The following STT3B variants were observed in gnomAD, a reference collection of about 807,000 sequenced individuals.
The protein encoded by STT3B is STT3 oligosaccharyltransferase complex catalytic subunit B, also known as dolichyl-diphosphooligosaccharide--protein glycosyltransferase subunit STT3B.
STT3B carries 29 observed loss-of-function variants against 96.8 expected under a neutral mutation model. The ratio of observed to expected loss-of-function variants is 0.30; its 90% CI spans 0.22 to 0.41. The LOEUF (loss-of-function observed/expected upper bound fraction) is 0.41, where lower values mean the gene tolerates loss of function less well. Ranked by LOEUF, STT3B falls within the 10% of genes least tolerant of loss-of-function variation. The probability of loss-of-function intolerance (pLI) is 1.00; values close to 1 mark genes in which losing one functional copy is unlikely to be tolerated. For missense variants in STT3B, 640 were observed against 1,022.3 expected, an observed-to-expected ratio of 0.63 and a Z score of 5.10; for synonymous variants, 367 against 360.0, an observed-to-expected ratio of 1.02 and a Z score of -0.22.
chr3:31,565,637 ACTT>A (rs1462234688), intron 1 of STT3B, among the ~76,000 whole-genome samples: 3 of 152,188 alleles, frequency 2.0e-5, no homozygotes, highest in Non-Finnish European at 4.4e-5. Context: ...GATAGGGACT[ACTT>A]GGCTTTGTTT....
At chr3:31,550,907 A>G (rs1368054149) in intron 1 of STT3B, among the ~76,000 whole-genome samples, 1 of 152,070 alleles carries the variant, frequency 6.6e-6, no homozygotes, top group Non-Finnish European at 1.5e-5. Flanking sequence ...TTGAAATGCC[A>G]ACTTTAGTTG....
chr3:31,628,442 T>C (rs1292654721), intron 13 of STT3B, among the ~76,000 whole-genome samples: 1 of 152,204 alleles, frequency 6.6e-6, no homozygotes, highest in Non-Finnish European at 1.5e-5. Flanking sequence ...ATTGATGGAA[T>C]TTAGATTGTT....
intron 1 of STT3B, among the ~76,000 whole-genome samples, chr3:31,556,740 A>G (rs1697721734): frequency 6.6e-6 from 1 of 152,010 alleles, no homozygotes; most frequent in South Asian, 2.1e-4. Flanking sequence ...TAATGTGATG[A>G]TGATGATGAT....
chr3:31,606,714 G>A (rs757850427), intron 5 of STT3B, among the ~76,000 whole-genome samples: 6 of 152,226 alleles, frequency 3.9e-5, no homozygotes, highest in Non-Finnish European at 7.3e-5. Flanking sequence ...GGAAATGTGG[G>A]CTTGAAGCCC....
At chr3:31,601,087 A>T (rs1408784444) in intron 5 of STT3B, among the ~76,000 whole-genome samples, 2 of 152,192 alleles carry the variant, frequency 1.3e-5, no homozygotes, top group Non-Finnish European at 2.9e-5. Flanking sequence ...TTGGAAAACA[A>T]TAACACAAAG....
rs183754313 is a variant in STT3B, at chr3:31,598,032, T to C, written c.777+1169T>C. On this transcript the variant is annotated intron_variant, in intron 4 of 15. Coordinates refer to ENST00000295770, the MANE Select transcript of STT3B (RefSeq NM_178862.3). ...TGTATTTTTAGTAGAGACAGGGTTT[T>C]ACCATGTTGATCAGACTGGTCTCAA... 2.6e-5 allele frequency among the ~76,000 whole-genome samples: 4 copies of C among 151,888 alleles called. No homozygotes were observed. The East Asian group carries it at 7.8e-4, about 30-fold the overall frequency.
intron 5 of STT3B, among the ~76,000 whole-genome samples, chr3:31,613,941 T>C (rs1308848359): frequency 6.6e-6 from 1 of 152,008 alleles, no homozygotes; most frequent in Non-Finnish European, 1.5e-5. Flanking sequence ...AAACTTTACT[T>C]ACTTTGGTCC....
In STT3B at chr3:31,611,710, TGG is replaced by T. The variant is rs1255039071; in HGVS notation, c.878-3394_878-3393del. Among the ~76,000 whole-genome samples, 8 of 152,224 alleles carry T rather than the reference TGG, an allele frequency of 5.3e-5. 1 individual carries two copies. The East Asian group carries it at 9.7e-4, about 18-fold the overall frequency. On this transcript the variant is annotated intron_variant, in intron 5 of 15. Coordinates refer to ENST00000295770, the MANE Select transcript of STT3B (RefSeq NM_178862.3). ...CGGGGTTTCTCCATGTTGGTCAGGCTGGTCTCAAATTCCCAACCTCAAGTGAT... is the reference window on the plus strand; with the variant it reads ...CGGGGTTTCTCCATGTTGGTCAGGCTTCTCAAATTCCCAACCTCAAGTGAT...
intron 9 of STT3B, among the ~76,000 whole-genome samples, chr3:31,621,332 A>AG (rs1393677098): frequency 6.6e-6 from 1 of 152,218 alleles, no homozygotes; most frequent in Non-Finnish European, 1.5e-5. Flanking sequence ...AAGAGGCATG[A>AG]GGACATATAA....
In STT3B at chr3:31,576,514, T is replaced by G; in HGVS notation, c.423+10T>G. On this transcript the variant is annotated intron_variant, in intron 2 of 15. Transcript: ENST00000295770. ...AATAGTAGGTGGTACTGTAAGTATA[T>G]TAGCAGTTCTTTATGTTAATTATAA... 7.2e-7 allele frequency: 1 copy of G among 1,380,788 alleles called. No individual in the cohort carries two copies. Among genetic ancestry groups the G allele is most frequent in the Non-Finnish European group, 1.0e-6 (1 of 996,392 alleles). 85.5% of individuals were successfully genotyped at this position (1,380,788 alleles called of 1,614,324 possible).
intron 1 of STT3B, among the ~76,000 whole-genome samples, chr3:31,557,683 A>G (rs1697753610): frequency 6.6e-6 from 1 of 151,932 alleles, no homozygotes; most frequent in Non-Finnish European, 1.5e-5. Flanking sequence ...CCCAGGCTGG[A>G]GTGCAGTGGC....
chr3:31,578,689 C>A (rs1698311956), intron 2 of STT3B, among the ~76,000 whole-genome samples: 1 of 151,954 alleles, frequency 6.6e-6, no homozygotes, highest in African/African-American at 2.4e-5. Context: ...TCCCCCTCCC[C>A]CTTTCTCCTT....
At chr3:31,588,197 C>G (rs1698588213) in intron 3 of STT3B, among the ~76,000 whole-genome samples, 1 of 152,064 alleles carries the variant, frequency 6.6e-6, no homozygotes, top group Non-Finnish European at 1.5e-5. Context: ...AGCAATACTA[C>G]TTTCCAATAG....
At chr3:31,623,912 C>T in intron 11 of STT3B, 51 bp downstream of exon 11, 9 of 1,393,068 alleles carry the variant, frequency 6.5e-6, no homozygotes, top group African/African-American at 1.4e-5. Flanking sequence ...ACTTCTTTTT[C>T]GTTGTCTCAA....
At chr3:31,628,866 G>T (rs1699592403) in intron 13 of STT3B, among the ~76,000 whole-genome samples, 1 of 152,142 alleles carries the variant, frequency 6.6e-6, no homozygotes, top group African/African-American at 2.4e-5. Flanking sequence ...TGTAATCCTA[G>T]CATTTTGGGA....
At chr3:31,599,519 G>T (rs886442398) in intron 4 of STT3B, among the ~76,000 whole-genome samples, 4 of 152,158 alleles carry the variant, frequency 2.6e-5, no homozygotes, top group African/African-American at 9.7e-5. Context: ...TCCACAAGGG[G>T]TTCTGAAATA....
intron 1 of STT3B, among the ~76,000 whole-genome samples, chr3:31,554,089 T>C (rs1199506608): frequency 6.6e-6 from 1 of 152,248 alleles, no homozygotes; most frequent in Non-Finnish European, 1.5e-5. Context: ...GTTTAAGTGT[T>C]GGTAGAGTAG....
chr3:31,579,961 T>C lies in STT3B; in HGVS notation c.576T>C (p.Leu192=). The stretch of plus-strand genomic sequence containing the variant: ...CTACTTTCCTGCTTACAAGAGAACT[T>C]TGGAACCAAGGAGCAGGACTTTTAG... ...SISTFLLTRE[L]WNQGAGLLAA... Residue 192 remains leucine, a synonymous_variant, in exon 3 of 16, where the codon CTT becomes CTC. Coordinates refer to ENST00000295770, the MANE Select transcript of STT3B (RefSeq NM_178862.3). The C allele has an allele frequency of 1.2e-6, 2 of 1,613,882 alleles. No homozygotes were observed. Among genetic ancestry groups the C allele is most frequent in the Non-Finnish European group, 1.7e-6 (2 of 1,179,834 alleles).
chr3:31,636,142 C>A lies in STT3B; in HGVS notation c.*78C>A. 8.7e-7 allele frequency: 1 copy of A among 1,148,194 alleles called. No individual in the cohort carries two copies. Among genetic ancestry groups the A allele is most frequent in the South Asian group, 1.7e-5 (1 of 59,612 alleles). The allele number at this position is 1,148,194 out of a possible 1,614,324, so 71.1% of individuals were successfully genotyped here. ...TTTGCCTTTAGCTCATGTCGTGTTT[C>A]ACAGCAAAGAGGGTACAGAACCATC... On this transcript the variant is annotated 3_prime_UTR_variant, in exon 16 of 16. Coordinates refer to ENST00000295770, the MANE Select transcript of STT3B (RefSeq NM_178862.3).
Sources: allele counts gnomAD v4.1 joint callset (sites outside exome capture counted in the v4.1 genomes callset), GRCh38; gene constraint gnomAD v4.1.1; transcripts MANE v1.5; gene names NCBI Gene and HGNC (gene_info 2026-07-23, HGNC 2026-07-21).